KCNQ1: variants seen among roughly 807,000 people sequenced by gnomAD.
KCNQ1 encodes potassium voltage-gated channel subfamily KQT member 1.
KCNQ1 carries 49 observed loss-of-function variants against 72.4 expected under a neutral mutation model. The ratio of observed to expected loss-of-function variants is 0.68; its 90% CI spans 0.54 to 0.86. The LOEUF (loss-of-function observed/expected upper bound fraction) is 0.86. Among genes scored for constraint, KCNQ1 ranks in the 40% least tolerant of loss-of-function variants. The probability of loss-of-function intolerance (pLI) is 0.00; values close to 1 mark genes in which losing one functional copy is unlikely to be tolerated. For missense variants in KCNQ1, 790 were observed against 945.1 expected (o/e 0.84, Z 2.15); for synonymous variants, 450 against 412.6 (o/e 1.09, Z -1.10).
chr11:2,758,217 A>C (rs576803662), intron 11 of KCNQ1, among the ~76,000 whole-genome samples: 1 of 152,324 alleles, frequency 6.6e-6, no homozygotes, highest in East Asian at 1.9e-4. Context: ...ACAGTAAAAA[A>C]CAGCCTGTCC....
rs1564811979 is a variant in KCNQ1 at position 2,544,304 on chromosome 11, GTA to G, written c.477+16292_477+16293del. Among the ~76,000 whole-genome samples the G allele has an allele frequency of 1.1e-5, 1 of 89,542 alleles. No homozygotes were observed. The highest frequency in any genetic ancestry group is 1.2e-4 in the Admixed American group (1 of 8,686). The allele number at this position is 89,542 out of a possible 152,430, so 58.7% of individuals were successfully genotyped here. On this transcript the variant is annotated intron_variant, in intron 2 of 15. Transcript: ENST00000155840. The surrounding 1 kb of genome is among the most constrained non-coding windows in gnomAD (Gnocchi z 4.4). The stretch of plus-strand genomic sequence containing the variant: ...TGTGTATATATATATGTATATATGT[GTA>G]TATATGTATATATCTATGTATATAT...
In KCNQ1 at chr11:2,481,725, G is replaced by A. The variant is rs2133612921; in HGVS notation, c.386+36241G>A. Among the ~76,000 whole-genome samples, 1 of 152,286 alleles carries A rather than the reference G, an allele frequency of 6.6e-6. No homozygotes were observed. The highest frequency in any genetic ancestry group is 1.5e-5 in the Non-Finnish European group (1 of 68,038). ...GCAAACTATGCATGTGAGGGATCTA[G>A]GTTGCCTCCTCTTTATAAGAATCTA... On this transcript the variant is annotated intron_variant, in intron 1 of 15. Coordinates refer to ENST00000155840, the MANE Select transcript of KCNQ1 (RefSeq NM_000218.3). The surrounding 1 kb of genome is among the most constrained non-coding windows in gnomAD (Gnocchi z 4.6).
chr11:2,836,781 G>A (rs1000741850), intron 15 of KCNQ1, among the ~76,000 whole-genome samples: 3 of 152,362 alleles, frequency 2.0e-5, no homozygotes, highest in Admixed American at 1.3e-4. Context: ...AACCAGGCAC[G>A]AGCTGCGTAT....
In KCNQ1 at chr11:2,663,036, G is replaced by A; in HGVS notation, c.1514+955G>A. The A allele has an allele frequency of 2.5e-6, 1 of 398,800 alleles. No homozygotes were observed. Among genetic ancestry groups the A allele is most frequent in the Non-Finnish European group, 4.4e-6 (1 of 226,168 alleles). The allele number at this position is 398,800 out of a possible 1,614,324, so 24.7% of individuals were successfully genotyped here. A position where few individuals can be genotyped will look rare whatever the true frequency, so the allele number is the denominator to read the frequency against. On this transcript the variant is annotated intron_variant, in intron 11 of 15. Coordinates refer to ENST00000155840, the MANE Select transcript of KCNQ1 (RefSeq NM_000218.3). This position sits in a 1 kb window ranked among gnomAD's most constrained non-coding sequence, Gnocchi z 5.2. ...GAAATCGGGACCCATGGTGCTGGGG[G>A]CTGCAGGTGTAACCAGAGAACTGGC...
intron 1 of KCNQ1, among the ~76,000 whole-genome samples, chr11:2,470,322 G>A (rs1429892656): frequency 1.3e-5 from 2 of 152,122 alleles, no homozygotes; most frequent in Admixed American, 6.6e-5. Flanking sequence ...ATATTTATAT[G>A]TTTTCTTGAA....
At position 2,730,517 on chromosome 11, in the gene KCNQ1, C is replaced by G. The variant is rs1845838060; in HGVS notation, c.1515-38327C>G. The stretch of plus-strand genomic sequence containing the variant: ...TCACAACCTCCCTTCCTCCCTCTTT[C>G]TCTTATGGGGAGTGCAGGGGTGATC... On this transcript the variant is annotated intron_variant, in intron 11 of 15. Coordinates refer to ENST00000155840, the MANE Select transcript of KCNQ1 (RefSeq NM_000218.3). Among the ~76,000 whole-genome samples the G allele has an allele frequency of 3.3e-5, 5 of 152,188 alleles. No individual in the cohort carries two copies. The South Asian group carries it at 1.0e-3, about 32-fold the overall frequency.
At chr11:2,760,017 A>G (rs551675777) in intron 11 of KCNQ1, among the ~76,000 whole-genome samples, 45 of 152,350 alleles carry the variant, frequency 3.0e-4, no homozygotes, top group Admixed American at 5.2e-4. Flanking sequence ...CGCCATGGGC[A>G]GCCCAGTCCG....
At chr11:2,534,505 TCCCTGCCTGCCTCG>T in intron 2 of KCNQ1, among the ~76,000 whole-genome samples, 1 of 152,202 alleles carries the variant, frequency 6.6e-6, no homozygotes, top group East Asian at 1.9e-4. Context: ...GTTGTCTTCC[TCCCTGCCTGCCTCG>T]CCCTGCCTGG....
intron 15 of KCNQ1, among the ~76,000 whole-genome samples, chr11:2,841,145 G>A (rs889215787): frequency 3.9e-5 from 6 of 152,276 alleles, no homozygotes; most frequent in African/African-American, 7.2e-5. Flanking sequence ...CGAGGAGGCC[G>A]CCCAGGATTT....
At chr11:2,641,727 G>T (rs1333131261) in intron 10 of KCNQ1, 1 of 398,254 alleles carries the variant, frequency 2.5e-6, no homozygotes, top group Admixed American at 4.4e-5. Context: ...GTCCTAAAGT[G>T]TTTCCCCAAT....
rs948684815 is a variant in KCNQ1, at chr11:2,464,646, C to G, written c.386+19162C>G. Among the ~76,000 whole-genome samples, 14 of 152,192 alleles carry G rather than the reference C, an allele frequency of 9.2e-5. No individual in the cohort carries two copies. Among genetic ancestry groups the G allele is most frequent in the Admixed American group, 5.2e-4 (8 of 15,288 alleles). ...GGGGGACAGGAGTTGGGGGGGTGGG[C>G]AGTGCCTCTGTGTGGCAGATTCCAG... On this transcript the variant is annotated intron_variant, in intron 1 of 15. Transcript: ENST00000155840. This position sits in a 1 kb window ranked among gnomAD's most constrained non-coding sequence, Gnocchi z 5.0.
chr11:2,505,252 G>C (rs1274326027), intron 1 of KCNQ1, among the ~76,000 whole-genome samples: 4 of 152,056 alleles, frequency 2.6e-5, no homozygotes, highest in Admixed American at 1.3e-4. Context: ...TTGGTTAAGA[G>C]TATGTTGTTT....
rs1846738755 is a variant in KCNQ1 at position 2,777,881 on chromosome 11, C to G, written c.1733-95C>G. ...TTTAGGCATTTTGACTCTCAGCTAC[C>G]TCCCCCAGCCCTACCACCCCACTTC... is the stretch of plus-strand genomic sequence containing the variant. On this transcript the variant is annotated intron_variant, in intron 14 of 15. Transcript: ENST00000155840. The G allele has an allele frequency of 2.3e-5, 24 of 1,031,310 alleles. No individual in the cohort carries two copies. In the South Asian group the frequency reaches 3.0e-4, roughly 13 times the overall value. 63.9% of individuals were successfully genotyped at this position (1,031,310 alleles called of 1,614,324 possible). A position where few individuals can be genotyped will look rare whatever the true frequency, so the allele number is the denominator to read the frequency against.
chr11:2,675,398 C>A, intron 11 of KCNQ1: 1 of 398,102 alleles, frequency 2.5e-6, no homozygotes. Context: ...AGATATTGGG[C>A]AAATTAATTG....
chr11:2,640,405 C>T (rs982707989), intron 10 of KCNQ1: 16 of 398,526 alleles, frequency 4.0e-5, no homozygotes, highest in Non-Finnish European at 5.7e-5. Flanking sequence ...CCATCCTTGA[C>T]CCCTCAAGTA....
Position 2,825,437 on chromosome 11 carries a change from C to CG in KCNQ1, c.1795-22323dup, listed in dbSNP as rs141800700. ...GGGTGCTGGAAGAGCAAGCACCACGCGGGGGGGTAGGGGCGCCCCAGCCCT... is the reference window on the plus strand; with the variant it reads ...GGGTGCTGGAAGAGCAAGCACCACGCGGGGGGGGTAGGGGCGCCCCAGCCCT... On this transcript the variant is annotated intron_variant, in intron 15 of 15. Transcript: ENST00000155840. 2.1e-3 allele frequency among the ~76,000 whole-genome samples: 319 copies of CG among 152,232 alleles called. 10 individuals carry two copies. The East Asian group carries it at 0.048, about 23-fold the overall frequency.
At position 2,668,015 on chromosome 11, in the gene KCNQ1, C is replaced by T. The variant is rs111838673; in HGVS notation, c.1514+5934C>T. On this transcript the variant is annotated intron_variant, in intron 11 of 15. Transcript: ENST00000155840. This position sits in a 1 kb window ranked among gnomAD's most constrained non-coding sequence, Gnocchi z 4.3. ...ACCTTGAGATTAACCACAGGCCTAACTGCTAGCAGCAAGGACCAGCTTTGC... is the reference window on the plus strand; with the variant it reads ...ACCTTGAGATTAACCACAGGCCTAATTGCTAGCAGCAAGGACCAGCTTTGC... The T allele has an allele frequency of 6.4e-4, 255 of 398,676 alleles. No individual in the cohort carries two copies. The highest frequency in any genetic ancestry group is 4.9e-3 in the African/African-American group (241 of 48,752). 24.7% of individuals were successfully genotyped at this position (398,676 alleles called of 1,614,324 possible). A position where few individuals can be genotyped will look rare whatever the true frequency, so the allele number is the denominator to read the frequency against.
Position 2,703,526 on chromosome 11 carries a change from T to C in KCNQ1, c.1514+41445T>C, listed in dbSNP as rs1850855674. ...ACACGCACTCACAGCTGAAGAGAATTAGGCTCAAAACGTCCACTCGGCTTT... is the reference window on the plus strand; with the variant it reads ...ACACGCACTCACAGCTGAAGAGAATCAGGCTCAAAACGTCCACTCGGCTTT... On this transcript the variant is annotated intron_variant, in intron 11 of 15. Coordinates refer to ENST00000155840, the MANE Select transcript of KCNQ1 (RefSeq NM_000218.3). This position sits in a 1 kb window ranked among gnomAD's most constrained non-coding sequence, Gnocchi z 6.4. Among the ~76,000 whole-genome samples the C allele has an allele frequency of 6.6e-6, 1 of 152,152 alleles. No homozygotes were observed. Among genetic ancestry groups the C allele is most frequent in the Non-Finnish European group, 1.5e-5 (1 of 68,036 alleles).
intron 11 of KCNQ1, among the ~76,000 whole-genome samples, chr11:2,744,581 G>GT (rs1460570882): frequency 2.0e-5 from 3 of 152,174 alleles, no homozygotes; most frequent in Admixed American, 6.5e-5. Context: ...TGCCATGCCA[G>GT]GTACCTTACT....
Sources: allele counts gnomAD v4.1 joint callset (sites outside exome capture counted in the v4.1 genomes callset), GRCh38; gene constraint gnomAD v4.1.1; non-coding constraint Gnocchi (gnomAD v3.1); transcripts MANE v1.5; gene names NCBI Gene and HGNC (gene_info 2026-07-23, HGNC 2026-07-21).